The following IL10 variants were observed in gnomAD, a reference collection of about 807,000 sequenced individuals.
IL10 encodes interleukin-10.
A neutral mutation model predicts 21.0 loss-of-function variants in IL10; 7 were observed. The ratio of observed to expected loss-of-function variants is 0.33; its 90% CI spans 0.19 to 0.63. The LOEUF is 0.63. IL10 is among the 20% of genes least tolerant of loss of function. The pLI is 0.77. For synonymous variants in IL10, 83 were observed against 79.7 expected (o/e 1.04, Z -0.22); for missense variants, 161 against 213.0 (o/e 0.76, Z 1.52).
intron 4 of IL10, 68 bp downstream of exon 4, chr1:206,769,761 T>C (rs56294813): frequency 3.3e-6 from 4 of 1,227,608 alleles, no homozygotes; most frequent in Non-Finnish European, 4.8e-6. Flanking sequence ...CCACCTTCCA[T>C]GCTTTGGGGT....
chr1:206,768,678 G>A lies in IL10; in HGVS notation c.495C>T (p.Ile165=). ...YKAMSEFDIF[I]NYIEAYMTMK... ...TTGTCATGTAGGCTTCTATGTAGTT[G>A]ATGAAGATGTCAAACTCACTCATGG... Residue 165 remains isoleucine (I), a synonymous_variant, in exon 5 of 5, where the codon ATC becomes ATT. Coordinates refer to ENST00000423557, the MANE Select transcript of IL10 (RefSeq NM_000572.3). 2 of 1,610,628 alleles carry A rather than the reference G, an allele frequency of 1.2e-6. No homozygotes were observed. The highest frequency in any genetic ancestry group is 1.7e-6 in the Non-Finnish European group (2 of 1,176,890).
intron 1 of IL10, 83 bp from the exon 2 acceptor site, chr1:206,771,498 A>G: frequency 8.3e-7 from 1 of 1,201,094 alleles, no homozygotes; most frequent in Admixed American, 2.0e-5. Context: ...TTTCATTTAG[A>G]GATTTTTTTT....
At chr1:206,769,026 G>A (rs1466570744) in intron 4 of IL10, among the ~76,000 whole-genome samples, 2 of 152,220 alleles carry the variant, frequency 1.3e-5, no homozygotes, top group Non-Finnish European at 2.9e-5. Flanking sequence ...ATTATGCAGA[G>A]TTTGATGAAA....
chr1:206,769,384 C>T (rs1674755732), intron 4 of IL10, among the ~76,000 whole-genome samples: 1 of 152,282 alleles, frequency 6.6e-6, no homozygotes, highest in Non-Finnish European at 1.5e-5. Context: ...AGTGAGAATC[C>T]AGCTTCCTGC....
At position 206,770,927 on chromosome 1, in the gene IL10, T is replaced by A; in HGVS notation, c.358A>T (p.Arg120Trp). The part of the protein sequence containing the change: ...NSLGENLKTL[R>W]LRLRRCHRFL... Reference sequence around the variant, plus strand: ...CTTACACAGCGCCGTAGCCTCAGCCTGAGGGTCTTCAGGTTCTCCCCCAGG... The same window carrying A: ...CTTACACAGCGCCGTAGCCTCAGCCAGAGGGTCTTCAGGTTCTCCCCCAGG... Residue 120 changes from arginine to tryptophan, a missense_variant, in exon 3 of 5, where the codon AGG (arginine) becomes TGG (tryptophan). Transcript: ENST00000423557. 2 of 1,614,176 alleles carry A rather than the reference T, an allele frequency of 1.2e-6. No individual in the cohort carries two copies. Among genetic ancestry groups the A allele is most frequent in the Non-Finnish European group, 1.7e-6 (2 of 1,180,024 alleles).
At position 206,768,423 on chromosome 1, in the gene IL10, A is replaced by T. The variant is rs1055210178; in HGVS notation, c.*213T>A. ...GTGAAAATAATAAATATTGAAAAAA[A>T]TTATAATATTGGGCTTCTTTCTAAA... On this transcript the variant is annotated 3_prime_UTR_variant, in exon 5 of 5. Transcript: ENST00000423557. 4.7e-5 allele frequency: 25 copies of T among 527,642 alleles called. No homozygotes were observed. The highest frequency in any genetic ancestry group is 6.5e-5 in the Admixed American group (2 of 30,796). 32.7% of individuals were successfully genotyped at this position (527,642 alleles called of 1,614,324 possible).
rs1481928078 is a variant in IL10, at chr1:206,768,342, T to C, written c.*294A>G. 1 of 366,438 alleles carries C rather than the reference T, an allele frequency of 2.7e-6. No individual in the cohort carries two copies. The highest frequency in any genetic ancestry group is 5.0e-6 in the Non-Finnish European group (1 of 199,096). 22.7% of individuals were successfully genotyped at this position (366,438 alleles called of 1,614,324 possible). On this transcript the variant is annotated 3_prime_UTR_variant, in exon 5 of 5. Coordinates refer to ENST00000423557, the MANE Select transcript of IL10 (RefSeq NM_000572.3). ...CCTCCCTTATGTAACTTATAATTTA[T>C]CTTAAAACACTCAAATACCATAGTG...
intron 1 of IL10, 112 bp downstream of exon 1, chr1:206,772,159 G>A: frequency 1.1e-6 from 1 of 909,678 alleles, no homozygotes; most frequent in South Asian, 1.4e-5. Flanking sequence ...TGGGGGAATA[G>A]GTGTTGGGGA....
chr1:206,772,177 G>A (rs1203737647), intron 1 of IL10, 94 bp downstream of exon 1: 2 of 1,065,086 alleles, frequency 1.9e-6, no homozygotes, highest in East Asian at 4.8e-5. Context: ...GGATGGAGGT[G>A]GAGGCGCAGG....
At chr1:206,768,768 C>T (rs758546123) in intron 4 of IL10, 40 bp from the exon 5 acceptor site, 8 of 1,281,020 alleles carry the variant, frequency 6.2e-6, no homozygotes, top group Non-Finnish European at 6.8e-6. Context: ...AAAATCCTTT[C>T]TGGGGACTAA....
rs749768247 is a variant in IL10 at position 206,772,235 on chromosome 1, AG to A, written c.165+35del. On this transcript the variant is annotated intron_variant, in intron 1 of 4. Transcript: ENST00000423557. ...GAGAATGTCTAGTTCAGGCAGTCCC[AG>A]GAAGAGAGAAAGGACAGGAAGGAAT... The A allele has an allele frequency of 4.7e-5, 75 of 1,593,444 alleles. No individual in the cohort carries two copies. In the Admixed American group the frequency reaches 1.2e-3, roughly 26 times the overall value.
At position 206,768,301 on chromosome 1, in the gene IL10, A is replaced by G. The variant is rs879326436; in HGVS notation, c.*335T>C. 5.6e-5 allele frequency: 18 copies of G among 323,106 alleles called. No individual in the cohort carries two copies. Among genetic ancestry groups the G allele is most frequent in the Non-Finnish European group, 9.8e-5 (17 of 173,460 alleles). 20.0% of individuals were successfully genotyped at this position (323,106 alleles called of 1,614,324 possible). A position where few individuals can be genotyped will look rare whatever the true frequency, so the allele number is the denominator to read the frequency against. The stretch of plus-strand genomic sequence containing the variant: ...GAATGGAAGCTTCTGTTGGCTCCCC[A>G]AAGAACATTTTTTTTCCTCCCTTAT... On this transcript the variant is annotated 3_prime_UTR_variant, in exon 5 of 5. Transcript: ENST00000423557.
chr1:206,769,765 T>G, intron 4 of IL10, 64 bp downstream of exon 4: 2 of 1,242,868 alleles, frequency 1.6e-6, no homozygotes, highest in Non-Finnish European at 2.4e-6. Context: ...CTTCCATGCT[T>G]TGGGGTTGGG....
Position 206,770,893 on chromosome 1 carries a change from G to T in IL10, c.378+14C>A. 1 of 1,613,684 alleles carries T rather than the reference G, an allele frequency of 6.2e-7. No individual in the cohort carries two copies. Among genetic ancestry groups the T allele is most frequent in the Non-Finnish European group, 8.5e-7 (1 of 1,179,594 alleles). On this transcript the variant is annotated intron_variant, in intron 3 of 4. Transcript: ENST00000423557. Reference sequence around the variant, plus strand: ...GGGGGCAGCTGCAAGGGAAAAAACTGATCTGCTACTTACACAGCGCCGTAG... The same window carrying T: ...GGGGGCAGCTGCAAGGGAAAAAACTTATCTGCTACTTACACAGCGCCGTAG...
At chr1:206,768,808 G>A in intron 4 of IL10, 80 bp from the exon 5 acceptor site, 2 of 846,832 alleles carry the variant, frequency 2.4e-6, no homozygotes, top group Non-Finnish European at 4.1e-6. Context: ...GCTCATGGAT[G>A]GGCATGACCT....
At chr1:206,769,794 C>A in intron 4 of IL10, 35 bp downstream of exon 4, 1 of 1,553,798 alleles carries the variant, frequency 6.4e-7, no homozygotes, top group South Asian at 1.1e-5. Flanking sequence ...ATGGGTTGTG[C>A]TCTGCAGACC....
chr1:206,769,945 C>T, intron 3 of IL10, 51 bp from the exon 4 acceptor site: 1 of 1,472,682 alleles, frequency 6.8e-7, no homozygotes, highest in Non-Finnish European at 9.5e-7. Context: ...AGCTCCATGT[C>T]CATCACACTT....
intron 4 of IL10, 29 bp downstream of exon 4, chr1:206,769,800 A>T: frequency 6.3e-7 from 1 of 1,583,750 alleles, no homozygotes; most frequent in Non-Finnish European, 8.7e-7. Flanking sequence ...TGTGCTCTGC[A>T]GACCCTCTCT....
intron 2 of IL10, 83 bp downstream of exon 2, chr1:206,771,273 C>A (rs1381984029): frequency 1.6e-5 from 22 of 1,339,954 alleles, no homozygotes; most frequent in Non-Finnish European, 2.4e-5. Context: ...GGAAACAAAC[C>A]CAATTCCCTG....
Sources: allele counts gnomAD v4.1 joint callset (sites outside exome capture counted in the v4.1 genomes callset), GRCh38; gene constraint gnomAD v4.1.1; transcripts MANE v1.5; gene names NCBI Gene and HGNC (gene_info 2026-07-23, HGNC 2026-07-21).